The following NLRP14 variants were observed in gnomAD, a reference collection of about 807,000 sequenced individuals.
NLRP14 encodes NLR family pyrin domain containing 14.
In NLRP14, 105 loss-of-function variants were observed where a neutral mutation model predicts 94.7. The ratio of observed to expected loss-of-function variants is 1.11; its 90% CI spans 0.95 to 1.30. The LOEUF is 1.30. Ranked by LOEUF, NLRP14 falls within the 50% of genes most tolerant of loss-of-function variation. The pLI is 0.00. For missense variants in NLRP14, 1,362 were observed against 1,254.1 expected, an observed-to-expected ratio of 1.09 and a Z score of -1.30; for synonymous variants, 508 against 459.9, an observed-to-expected ratio of 1.10 and a Z score of -1.34.
chr11:7,056,376 TATAAA>T (rs1852514871), intron 6 of NLRP14, among the ~76,000 whole-genome samples: 1 of 151,824 alleles, frequency 6.6e-6, no homozygotes, highest in Non-Finnish European at 1.5e-5. Flanking sequence ...AAATCATTCT[TATAAA>T]AGATTTTCTG....
chr11:7,063,971 G>A (rs1852666456), intron 10 of NLRP14, among the ~76,000 whole-genome samples: 1 of 152,038 alleles, frequency 6.6e-6, no homozygotes, highest in Non-Finnish European at 1.5e-5. Context: ...CCAGTAAAGA[G>A]ACAGTTAGCA....
chr11:7,038,275 T>C (rs1012935280), intron 1 of NLRP14, among the ~76,000 whole-genome samples: 2 of 152,132 alleles, frequency 1.3e-5, no homozygotes, highest in Admixed American at 6.5e-5. Flanking sequence ...GAAGAGTAAG[T>C]TGAGGTTCAA....
chr11:7,060,145 G>T, intron 9 of NLRP14, 81 bp downstream of exon 9: 1 of 1,232,170 alleles, frequency 8.1e-7, no homozygotes, highest in Non-Finnish European at 1.2e-6. Context: ...GCTGAGAACC[G>T]AGCATCTATC....
chr11:7,066,484 T>C lies in NLRP14; in HGVS notation c.2976-3802T>C, dbSNP rs529124307. ...GTGATGATGAGCTTTTTTTCATATG[T>C]TTGTTGGCCACATAAATGTCTTCTT... is the stretch of plus-strand genomic sequence containing the variant. On this transcript the variant is annotated intron_variant, in intron 10 of 11. Coordinates refer to ENST00000299481, the MANE Select transcript of NLRP14 (RefSeq NM_176822.4). Among the ~76,000 whole-genome samples, 281 of 152,352 alleles carry C rather than the reference T, an allele frequency of 1.8e-3. 1 individual carries two copies. Among genetic ancestry groups the C allele is most frequent in the Non-Finnish European group, 3.0e-3 (202 of 68,028 alleles).
In NLRP14 at chr11:7,070,392, T is replaced by A. The variant is rs147565656; in HGVS notation, c.3082T>A (p.Tyr1028Asn). ...GAATCTGACACAGAATACCTTAGGATATGAAGGAATTGTGAAGTTATATAA... is the reference window on the plus strand; with the variant it reads ...GAATCTGACACAGAATACCTTAGGAAATGAAGGAATTGTGAAGTTATATAA... ...KMNLTQNTLG[Y>N]EGIVKLYKVL... Residue 1028 changes from tyrosine to asparagine, a missense_variant, in exon 11 of 12, where the codon TAT (tyrosine) becomes AAT (asparagine). Tyr to Asn is a moderately radical substitution (Grantham distance 143). Coordinates refer to ENST00000299481, the MANE Select transcript of NLRP14 (RefSeq NM_176822.4). The A allele has an allele frequency of 6.0e-5, 97 of 1,609,132 alleles. No individual in the cohort carries two copies. In the African/African-American group the frequency reaches 1.1e-3, roughly 18 times the overall value.
the NLRP14 span, among the ~76,000 whole-genome samples, chr11:7,078,128 G>T: frequency 2.0e-5 from 3 of 152,060 alleles, no homozygotes; most frequent in Non-Finnish European, 4.4e-5. Context: ...AAAATAAATT[G>T]GATGAAATTA....
At chr11:7,052,915 C>G (rs1852462419) in intron 6 of NLRP14, among the ~76,000 whole-genome samples, 1 of 152,130 alleles carries the variant, frequency 6.6e-6, no homozygotes, top group Non-Finnish European at 1.5e-5. Flanking sequence ...GGAAGACTAC[C>G]AGCAAGCAGA....
intron 1 of NLRP14, among the ~76,000 whole-genome samples, chr11:7,021,507 G>T (rs1463110364): frequency 1.3e-5 from 2 of 152,132 alleles, no homozygotes; most frequent in Non-Finnish European, 2.9e-5. Flanking sequence ...TTAAAAATGT[G>T]GGCTTTGTTG....
At chr11:7,042,359 G>A (rs1332187188) in intron 3 of NLRP14, 29 bp from the exon 4 acceptor site, 1 of 1,601,136 alleles carries the variant, frequency 6.2e-7, no homozygotes, top group African/African-American at 1.3e-5. Flanking sequence ...CTTTGTTTTT[G>A]TTTTTTTACC....
chr11:7,063,145 T>C (rs1013202286), intron 10 of NLRP14, among the ~76,000 whole-genome samples: 1 of 152,142 alleles, frequency 6.6e-6, no homozygotes, highest in Non-Finnish European at 1.5e-5. Context: ...ATTGACTATA[T>C]ATTTTTATAA....
chr11:7,074,839 G>T (rs1852854809), downstream of NLRP14, among the ~76,000 whole-genome samples: 1 of 152,182 alleles, frequency 6.6e-6, no homozygotes, highest in South Asian at 2.1e-4. Flanking sequence ...AAGGGGACGT[G>T]TCAGTGAAAT....
At chr11:7,026,809 TG>T (rs1343018407) in intron 1 of NLRP14, among the ~76,000 whole-genome samples, 1 of 68,690 alleles carries the variant, frequency 1.5e-5, no homozygotes, top group African/African-American at 6.0e-5. Flanking sequence ...ATATACACCA[TG>T]GGGGGTAGGG....
chr11:7,046,741 T>G lies in NLRP14; in HGVS notation c.2032T>G (p.Leu678Val). The G allele has an allele frequency of 6.2e-7, 1 of 1,613,478 alleles. No individual in the cohort carries two copies. Among genetic ancestry groups the G allele is most frequent in the East Asian group, 2.2e-5 (1 of 44,886 alleles). The change falls in exon 5 of 12, where the codon TTG becomes GTG. Residue 678 changes from leucine (L) to valine (V), a missense_variant. Coordinates refer to ENST00000299481, the MANE Select transcript of NLRP14 (RefSeq NM_176822.4). Reference sequence around the variant, plus strand: ...TCATACAAATGAACACTTGAGAGAATTGGACCTGTACCATAGCAACCTTGA... The same window carrying G: ...TCATACAAATGAACACTTGAGAGAAGTGGACCTGTACCATAGCAACCTTGA... ...VLHTNEHLRE[L>V]DLYHSNLDKS...
the NLRP14 span, among the ~76,000 whole-genome samples, chr11:7,081,619 T>C: frequency 6.6e-6 from 1 of 152,204 alleles, no homozygotes; most frequent in Admixed American, 6.5e-5. Flanking sequence ...AAGGGTGCTC[T>C]ATACACTTGT....
intron 1 of NLRP14, among the ~76,000 whole-genome samples, chr11:7,032,140 CTAA>C (rs1852107999): frequency 6.6e-6 from 1 of 152,140 alleles, no homozygotes; most frequent in Non-Finnish European, 1.5e-5. Context: ...GGAATGTATT[CTAA>C]TGAGAGATAA....
intron 11 of NLRP14, among the ~76,000 whole-genome samples, 186 bp from the exon 12 acceptor site, chr11:7,070,987 C>G (rs1417020190): frequency 6.6e-6 from 1 of 152,148 alleles, no homozygotes; most frequent in East Asian, 1.9e-4. Flanking sequence ...TGTCTTCCTT[C>G]CACTACTTTA....
chr11:7,041,270 G>A (rs893024078), intron 3 of NLRP14, among the ~76,000 whole-genome samples: 6 of 152,122 alleles, frequency 3.9e-5, no homozygotes, highest in Non-Finnish European at 8.8e-5. Flanking sequence ...AGCAAAATGA[G>A]CTATTTTTTT....
Position 7,049,727 on chromosome 11 carries a change from A to G in NLRP14, c.2180A>G (p.His727Arg). ...CAGGATATCTCTACTTCTTTGATTC[A>G]TAACAAGAATCTGATGCATCTTGAC... ...GCQDISTSLI[H>R]NKNLMHLDLK... The change falls in exon 6 of 12, where the codon CAT (histidine) becomes CGT (arginine). Residue 727 changes from histidine to arginine, a missense_variant. His to Arg is a conservative substitution (Grantham distance 29, BLOSUM62 0). Coordinates refer to ENST00000299481, the MANE Select transcript of NLRP14 (RefSeq NM_176822.4). The G allele has an allele frequency of 1.9e-6, 3 of 1,611,602 alleles. No individual in the cohort carries two copies. The highest frequency in any genetic ancestry group is 1.7e-5 in the Admixed American group (1 of 60,018).
At chr11:7,020,890 C>T (rs931358518) in intron 1 of NLRP14, 120 bp downstream of exon 1, 1 of 152,276 alleles carries the variant, frequency 6.6e-6, no homozygotes, top group Non-Finnish European at 1.5e-5. Flanking sequence ...AGACTCCAGG[C>T]AGAGAAGGGA....
Sources: gnomAD v4.1 joint callset for allele counts (sites outside exome capture counted in the v4.1 genomes callset) on GRCh38, gnomAD v4.1.1 for gene constraint, MANE v1.5 for transcripts, NCBI Gene and HGNC (gene_info 2026-07-23, HGNC 2026-07-21) for gene names.